Variants in NOL8 observed in about 807,000 individuals in gnomAD.
NOL8 encodes the protein nucleolar protein Nop132.
A neutral mutation model predicts 116.1 loss-of-function variants in NOL8; 93 were observed. That is an observed-to-expected ratio of 0.80 (90% CI 0.68 to 0.95). The LOEUF is 0.95. NOL8 is among the 40% of genes least tolerant of loss of function. The pLI, the probability that NOL8 is intolerant of heterozygous loss-of-function variation, is 0.00. For synonymous variants in NOL8, 419 were observed against 469.0 expected, an observed-to-expected ratio of 0.89 and a Z score of 1.38; for missense variants, 1,291 against 1,382.8, an observed-to-expected ratio of 0.93 and a Z score of 1.05.
At chr9:92,299,764 TAAAA>T in intron 14 of NOL8, 122 bp downstream of exon 14, 1 of 986,972 alleles carries the variant, frequency 1.0e-6, no homozygotes, top group Non-Finnish European at 1.4e-6. Flanking sequence ...AAAAAAAAAA[TAAAA>T]TAAAAAAAGA....
At position 92,311,379 on chromosome 9, in the gene NOL8, C is replaced by T. The variant is rs1049407283; in HGVS notation, c.2359-120G>A. ...CTAATTAAACTAAAGAGCTTCTGCACAGCAAAAGAAAAACTTATCAACAAA... is the reference window on the plus strand; with the variant it reads ...CTAATTAAACTAAAGAGCTTCTGCATAGCAAAAGAAAAACTTATCAACAAA... On this transcript the variant is annotated intron_variant, in intron 7 of 16. Transcript: ENST00000442668. 7 of 621,874 alleles carry T rather than the reference C, an allele frequency of 1.1e-5. No individual in the cohort carries two copies. The African/African-American group carries it at 1.1e-4, about 10-fold the overall frequency. The allele number at this position is 621,874 out of a possible 1,614,324, so 38.5% of individuals were successfully genotyped here.
At position 92,319,343 on chromosome 9, in the gene NOL8, T is replaced by C; in HGVS notation, c.295A>G (p.Arg99Gly). ...TCTTTCTTAGCTTTTGCTGCTTCTC[T>C]CTCTTGGGCCAATCTGAATCAAAAA... The part of the protein sequence containing the change: ...ESFLHRLAQE[R>G]EAAKAKKEES... Residue 99 changes from arginine to glycine, a missense_variant, in exon 5 of 17, where the codon AGA (arginine) becomes GGA (glycine). By Grantham distance (125) the Arg-to-Gly change is moderately radical. Coordinates refer to ENST00000442668, the MANE Select transcript of NOL8 (RefSeq NM_017948.6). The C allele has an allele frequency of 1.9e-6, 3 of 1,575,274 alleles. No homozygotes were observed. Among genetic ancestry groups the C allele is most frequent in the Non-Finnish European group, 2.6e-6 (3 of 1,166,808 alleles).
Position 92,306,971 on chromosome 9 carries a change from T to G in NOL8, c.2740A>C (p.Lys914Gln). Residue 914 changes from lysine to glutamine, a missense_variant, in exon 11 of 17, where the codon AAA becomes CAA. Lys to Gln is a moderately conservative substitution (Grantham distance 53). Coordinates refer to ENST00000442668, the MANE Select transcript of NOL8 (RefSeq NM_017948.6). The part of the protein sequence containing the change: ...EEEELAEEKK[K>Q]ALNVVQSVLQ... The stretch of plus-strand genomic sequence containing the variant: ...ACACTTTGTACAACATTCAGGGCTT[T>G]CTTTTTTTCTTCAGCAAGCTCTTCT... 6.2e-7 allele frequency: 1 copy of G among 1,613,246 alleles called. No homozygotes were observed. The highest frequency in any genetic ancestry group is 8.5e-7 in the Non-Finnish European group (1 of 1,179,708).
chr9:92,298,274 T>C lies in NOL8; in HGVS notation c.3436A>G (p.Thr1146Ala). 1 of 1,608,252 alleles carries C rather than the reference T, an allele frequency of 6.2e-7. No homozygotes were observed. Among genetic ancestry groups the C allele is most frequent in the Non-Finnish European group, 8.5e-7 (1 of 1,177,194 alleles). ...NMSRNSWEARTTNLRMDCRKK... is the reference protein window; with the variant it reads ...NMSRNSWEARATNLRMDCRKK... ...TTACTCACCATACGCAGGTTGGTTG[T>C]TCTGGCCTCCCAAGAGTTCCTGCTC... The change falls in exon 16 of 17, where the codon ACA becomes GCA. Residue 1146 changes from threonine (T) to alanine (A), a missense_variant. Thr to Ala is a moderately conservative substitution (Grantham distance 58). Coordinates refer to ENST00000442668, the MANE Select transcript of NOL8 (RefSeq NM_017948.6).
chr9:92,318,327 AC>A, intron 6 of NOL8, among the ~76,000 whole-genome samples: 1 of 152,102 alleles, frequency 6.6e-6, no homozygotes, highest in East Asian at 1.9e-4. Context: ...TGGGTCTCTC[AC>A]CCCTCTTTAG....
chr9:92,317,895 TGTG>T (rs1431754842), intron 6 of NOL8, among the ~76,000 whole-genome samples: 1 of 150,988 alleles, frequency 6.6e-6, no homozygotes, highest in Non-Finnish European at 1.5e-5. Context: ...ATTAGCCAGG[TGTG>T]GTGGCACACA....
intron 10 of NOL8, among the ~76,000 whole-genome samples, 196 bp from the exon 11 acceptor site, chr9:92,307,220 C>A (rs1021235062): frequency 5.9e-5 from 9 of 152,152 alleles, no homozygotes; most frequent in African/African-American, 2.2e-4. Flanking sequence ...CGTGACCAGA[C>A]AATGAAAAGT....
In NOL8 at chr9:92,315,270, T is replaced by C; in HGVS notation, c.1355A>G (p.His452Arg). 6.2e-7 allele frequency: 1 copy of C among 1,613,750 alleles called. No individual in the cohort carries two copies. Among genetic ancestry groups the C allele is most frequent in the Non-Finnish European group, 8.5e-7 (1 of 1,179,756 alleles). The change falls in exon 7 of 17, where the codon CAC becomes CGC. Residue 452 changes from histidine to arginine, a missense_variant. Physicochemically the swap from His to Arg is conservative, Grantham distance 29 (BLOSUM62 0). Transcript: ENST00000442668. ...ATCAGCATCTTCACTGCTACTGGAG[T>C]GAGAGGGAGATTTACGATTAAGAGA... is the stretch of plus-strand genomic sequence containing the variant. ...LKSLNRKSPS[H>R]SSSSEDADSA...
intron 16 of NOL8, 110 bp from the exon 17 acceptor site, chr9:92,297,996 T>C: frequency 3.2e-6 from 3 of 939,844 alleles, no homozygotes; most frequent in Non-Finnish European, 4.7e-6. Flanking sequence ...AAACCTATTT[T>C]GAAAGTGCTC....
intron 12 of NOL8, among the ~76,000 whole-genome samples, chr9:92,303,404 T>C (rs1303796607): frequency 6.6e-6 from 1 of 152,232 alleles, no homozygotes; most frequent in Non-Finnish European, 1.5e-5. Flanking sequence ...GAAAAAATTA[T>C]ATGAAATGAA....
At chr9:92,324,353 GT>G in intron 1 of NOL8, 144 bp from the exon 2 acceptor site, 1 of 655,826 alleles carries the variant, frequency 1.5e-6, no homozygotes. Context: ...AGTCTTCGAG[GT>G]TTTGCCCAAG....
chr9:92,308,272 T>C lies in NOL8; in HGVS notation c.2687-1248A>G, dbSNP rs138219007. Among the ~76,000 whole-genome samples, 351 of 152,212 alleles carry C rather than the reference T, an allele frequency of 2.3e-3. 4 individuals carry two copies. Among genetic ancestry groups the C allele is most frequent in the African/African-American group, 7.9e-3 (329 of 41,540 alleles). ...ACATGGTGGCACATGCCTGTAGTCCTAGCTACTAGAGAGACTGAGTTTGAG... is the reference window on the plus strand; with the variant it reads ...ACATGGTGGCACATGCCTGTAGTCCCAGCTACTAGAGAGACTGAGTTTGAG... On this transcript the variant is annotated intron_variant, in intron 10 of 16. Coordinates refer to ENST00000442668, the MANE Select transcript of NOL8 (RefSeq NM_017948.6).
At chr9:92,300,592 G>A (rs1038050387) in intron 13 of NOL8, 4 of 994,498 alleles carry the variant, frequency 4.0e-6, no homozygotes, top group East Asian at 1.1e-4. Flanking sequence ...AATTTCTCAC[G>A]TTTTGCTCTC....
chr9:92,315,784 G>T lies in NOL8; in HGVS notation c.841C>A (p.Leu281Ile), dbSNP rs534168511. ...TCCAAGCCAGAAGTCTTAAAAGGTA[G>T]ATTTTTAAGTTTCTGAGTATCAGAA... ...PVSDTQKLKN[L>I]PFKTSGLETA... The change falls in exon 7 of 17, where the codon CTA becomes ATA. Residue 281 changes from leucine (L) to isoleucine (I), a missense_variant. By Grantham distance (5) the Leu-to-Ile change is conservative (BLOSUM62 2). Transcript: ENST00000442668. 2.4e-5 allele frequency: 38 copies of T among 1,613,714 alleles called. 1 individual carries two copies. The South Asian group carries it at 3.6e-4, about 15-fold the overall frequency.
At chr9:92,301,320 TC>T (rs1284422795) in intron 13 of NOL8, among the ~76,000 whole-genome samples, 1 of 152,200 alleles carries the variant, frequency 6.6e-6, no homozygotes, top group Non-Finnish European at 1.5e-5. Context: ...TTCTCTGGCT[TC>T]CCTTCATATG....
At position 92,298,148 on chromosome 9, in the gene NOL8, A is replaced by G. The variant is rs867569295; in HGVS notation, c.3453+109T>C. 27 of 803,626 alleles carry G rather than the reference A, an allele frequency of 3.4e-5. No individual in the cohort carries two copies. In the Middle Eastern group the frequency reaches 1.8e-3, roughly 55 times the overall value. The allele number at this position is 803,626 out of a possible 1,614,324, so 49.8% of individuals were successfully genotyped here. A position where few individuals can be genotyped will look rare whatever the true frequency, so the allele number is the denominator to read the frequency against. ...CTGAGACCAGTCACTCAATTGAGCC[A>G]GTCTGCAGTCTCCTCACCTATACCA... On this transcript the variant is annotated intron_variant, in intron 16 of 16. Coordinates refer to ENST00000442668, the MANE Select transcript of NOL8 (RefSeq NM_017948.6).
At chr9:92,323,204 TA>T (rs1193154015) in intron 3 of NOL8, 2 of 1,143,164 alleles carry the variant, frequency 1.7e-6, no homozygotes, top group Admixed American at 6.3e-5. Flanking sequence ...TTGTCCAAAA[TA>T]TTTGAGAATA....
At position 92,314,442 on chromosome 9, in the gene NOL8, G is replaced by T. The variant is rs1839165710; in HGVS notation, c.2183C>A (p.Ser728Tyr). Residue 728 changes from serine to tyrosine, a missense_variant, in exon 7 of 17, where the codon TCC becomes TAC. Ser to Tyr is a moderately radical substitution (Grantham distance 144). Transcript: ENST00000442668. ...AGTTTTGATTTCCCGAGTGTCCTTG[G>T]ATGAGACCTTTGGTGATTTCTTGAG... The part of the protein sequence containing the change: ...TSLKKSPKVS[S>Y]KDTREIKTDF... 6.2e-7 allele frequency: 1 copy of T among 1,613,258 alleles called. No individual in the cohort carries two copies. Among genetic ancestry groups the T allele is most frequent in the East Asian group, 2.2e-5 (1 of 44,860 alleles).
chr9:92,314,115 T>A (rs982972084), intron 7 of NOL8, among the ~76,000 whole-genome samples, 152 bp downstream of exon 7: 3 of 152,156 alleles, frequency 2.0e-5, no homozygotes, highest in Non-Finnish European at 4.4e-5. Flanking sequence ...AATTTTCAGA[T>A]AAACCAGATG....
Sources: gnomAD v4.1 joint callset for allele counts (sites outside exome capture counted in the v4.1 genomes callset) on GRCh38, gnomAD v4.1.1 for gene constraint, MANE v1.5 for transcripts, NCBI Gene and HGNC (gene_info 2026-07-23, HGNC 2026-07-21) for gene names.